Variants in ASAP1 observed in about 807,000 individuals in gnomAD.
ASAP1 encodes the protein ArfGAP with SH3 domain, ankyrin repeat and PH domain 1, also known as arf-GAP with SH3 domain, ANK repeat and PH domain-containing protein 1.
ASAP1 carries 43 observed loss-of-function variants against 145.2 expected under a neutral mutation model. The ratio of observed to expected loss-of-function variants is 0.30; its 90% CI spans 0.23 to 0.38. ASAP1 has a LOEUF of 0.38. ASAP1 is among the 10% of genes least tolerant of loss of function. The pLI is 1.00. For missense variants in ASAP1, 1,018 were observed against 1,355.3 expected, an observed-to-expected ratio of 0.75 and a Z score of 3.91; for synonymous variants, 546 against 515.5, an observed-to-expected ratio of 1.06 and a Z score of -0.80.
intron 26 of ASAP1, among the ~76,000 whole-genome samples, 168 bp from the exon 27 acceptor site, chr8:130,076,574 T>A (rs1008018172): frequency 6.6e-6 from 1 of 151,980 alleles, no homozygotes; most frequent in African/African-American, 2.4e-5. Context: ...CAGGCTGGAG[T>A]GTAGTGGCGC....
At chr8:130,307,060 A>T (rs915698554) in intron 3 of ASAP1, among the ~76,000 whole-genome samples, 1 of 152,150 alleles carries the variant, frequency 6.6e-6, no homozygotes, top group African/African-American at 2.4e-5. Context: ...ATCCTTACTA[A>T]GTTTTTTCCA....
intron 5 of ASAP1, among the ~76,000 whole-genome samples, chr8:130,199,650 T>C (rs1054461440): frequency 2.0e-5 from 3 of 152,212 alleles, no homozygotes; most frequent in Admixed American, 1.3e-4. Flanking sequence ...ATCAATAAAG[T>C]GTGAGGTCTC....
intron 3 of ASAP1, among the ~76,000 whole-genome samples, chr8:130,317,329 A>C (rs1823725797): frequency 6.6e-6 from 1 of 152,208 alleles, no homozygotes; most frequent in Non-Finnish European, 1.5e-5. Flanking sequence ...CTTCTCAGCC[A>C]AAATTGGGCA....
At position 130,443,155 on chromosome 8, in the gene ASAP1, G is replaced by T. The variant is rs996454340; in HGVS notation, c.-28+305C>A. ...AGGGGGACGCGAAACCCCCCAGGGCGGGCCCCGTCCCCGGCCCCACTGCAG... is the reference window on the plus strand; with the variant it reads ...AGGGGGACGCGAAACCCCCCAGGGCTGGCCCCGTCCCCGGCCCCACTGCAG... On this transcript the variant is annotated intron_variant, in intron 1 of 29. Coordinates refer to ENST00000518721, the MANE Select transcript of ASAP1 (RefSeq NM_018482.4). 2.0e-4 allele frequency among the ~76,000 whole-genome samples: 31 copies of T among 152,072 alleles called. No individual in the cohort carries two copies. The South Asian group carries it at 2.9e-3, about 14-fold the overall frequency.
intron 3 of ASAP1, among the ~76,000 whole-genome samples, chr8:130,244,943 T>C (rs1054561308): frequency 1.3e-5 from 2 of 151,970 alleles, no homozygotes; most frequent in South Asian, 2.1e-4. Context: ...AGAACAGAAA[T>C]AGGAACTCCA....
At chr8:130,269,074 A>T (rs1243748681) in intron 3 of ASAP1, among the ~76,000 whole-genome samples, 1 of 152,202 alleles carries the variant, frequency 6.6e-6, no homozygotes, top group African/African-American at 2.4e-5. Flanking sequence ...CCAATAATAC[A>T]TTTCTGTTTT....
chr8:130,331,142 A>G (rs1409564722), intron 3 of ASAP1, among the ~76,000 whole-genome samples: 2 of 152,190 alleles, frequency 1.3e-5, no homozygotes, highest in Non-Finnish European at 2.9e-5. Context: ...ACACATATTA[A>G]ATGTCAGCTA....
At chr8:130,332,941 T>C (rs1327120246) in intron 3 of ASAP1, among the ~76,000 whole-genome samples, 1 of 151,736 alleles carries the variant, frequency 6.6e-6, no homozygotes, top group African/African-American at 2.4e-5. Flanking sequence ...GGGAAAATAA[T>C]ACACTGACAA....
chr8:130,097,720 C>G (rs1311576894), intron 24 of ASAP1, among the ~76,000 whole-genome samples: 1 of 151,154 alleles, frequency 6.6e-6, no homozygotes, highest in African/African-American at 2.4e-5. Context: ...ATTCCTGGGC[C>G]CAACAATTTA....
rs371385253 is a variant in ASAP1, at chr8:130,385,971, T to C, written c.59+15914A>G. 4.2e-4 allele frequency among the ~76,000 whole-genome samples: 64 copies of C among 152,332 alleles called. 1 individual carries two copies. The highest frequency in any genetic ancestry group is 1.4e-3 in the African/African-American group (60 of 41,568). On this transcript the variant is annotated intron_variant, in intron 2 of 29. Transcript: ENST00000518721. Reference sequence around the variant, plus strand: ...GTGACATGGGCTTGTCCAATCAGAATAGTCCATGGCCTTGTCCACAGTGAC... The same window carrying C: ...GTGACATGGGCTTGTCCAATCAGAACAGTCCATGGCCTTGTCCACAGTGAC...
chr8:130,343,654 G>GAT (rs935347429), intron 3 of ASAP1, among the ~76,000 whole-genome samples: 2 of 152,118 alleles, frequency 1.3e-5, no homozygotes, highest in African/African-American at 4.8e-5. Flanking sequence ...CCAACTCTAG[G>GAT]AATCTATCAA....
chr8:130,390,940 C>G (rs1038440226), intron 2 of ASAP1, among the ~76,000 whole-genome samples: 1 of 114,098 alleles, frequency 8.8e-6, no homozygotes, highest in Non-Finnish European at 2.0e-5. Flanking sequence ...ATATCCCCCG[C>G]CCCCCCAAAA....
rs370580190 is a variant in ASAP1 at position 130,188,723 on chromosome 8, C to CAAA, written c.406-543_406-541dup. 3.6e-3 allele frequency among the ~76,000 whole-genome samples: 299 copies of CAAA among 83,764 alleles called. 14 individuals carry two copies. The highest frequency in any genetic ancestry group is 0.034 in the East Asian group (84 of 2,500). The allele number at this position is 83,764 out of a possible 152,430, so 55.0% of individuals were successfully genotyped here. On this transcript the variant is annotated intron_variant, in intron 5 of 29. Transcript: ENST00000518721. The stretch of plus-strand genomic sequence containing the variant: ...TTCCAGCCTGAGTGAGAGACTCTCT[C>CAAA]AAAAAAAAAAAAAAAAAAAAAAGAA...
intron 4 of ASAP1, among the ~76,000 whole-genome samples, chr8:130,225,338 C>G (rs1817527316): frequency 6.6e-6 from 1 of 152,124 alleles, no homozygotes; most frequent in Non-Finnish European, 1.5e-5. Context: ...GTTCCTAAGC[C>G]TTCTAATATT....
At chr8:130,068,734 C>G (rs963931520) in intron 27 of ASAP1, among the ~76,000 whole-genome samples, 1 of 152,224 alleles carries the variant, frequency 6.6e-6, no homozygotes, top group Non-Finnish European at 1.5e-5. Context: ...GACTGTCCAA[C>G]TCTACCTACA....
At chr8:130,226,908 T>C (rs1045549497) in intron 4 of ASAP1, among the ~76,000 whole-genome samples, 4 of 152,156 alleles carry the variant, frequency 2.6e-5, no homozygotes. Flanking sequence ...GGTCCTAAAA[T>C]AGGTAGCAAA....
chr8:130,065,896 C>T (rs1466681891), intron 27 of ASAP1, among the ~76,000 whole-genome samples: 4 of 152,156 alleles, frequency 2.6e-5, no homozygotes, highest in Non-Finnish European at 5.9e-5. Context: ...TAAACTTGTG[C>T]AGAGCTGTTT....
In ASAP1 at chr8:130,060,575, C is replaced by A; in HGVS notation, c.3192+4G>T. On this transcript the variant is annotated splice_donor_region_variant and intron_variant, in intron 28 of 29. Coordinates refer to ENST00000518721, the MANE Select transcript of ASAP1 (RefSeq NM_018482.4). ...CCTAAGGGCCTGAACATTGTCCCAC[C>A]CACCGTATTGATTTTTCTGGGCAGT... The A allele has an allele frequency of 6.2e-7, 1 of 1,603,892 alleles. No individual in the cohort carries two copies. Among genetic ancestry groups the A allele is most frequent in the Non-Finnish European group, 8.5e-7 (1 of 1,174,628 alleles).
chr8:130,336,844 G>A (rs138447561), intron 3 of ASAP1, among the ~76,000 whole-genome samples: 36 of 152,260 alleles, frequency 2.4e-4, no homozygotes, highest in African/African-American at 8.7e-4. Context: ...AACTCCCAAT[G>A]AAACCACCAG....
Sources: allele counts gnomAD v4.1 joint callset (sites outside exome capture counted in the v4.1 genomes callset), GRCh38; gene constraint gnomAD v4.1.1; transcripts MANE v1.5; gene names NCBI Gene and HGNC (gene_info 2026-07-23, HGNC 2026-07-21).